TMEM232: variants seen among roughly 807,000 people sequenced by gnomAD.
TMEM232 encodes the protein transmembrane protein 232.
Under a neutral mutation model 78.8 loss-of-function variants are expected in TMEM232, and 80 were observed. The ratio of observed to expected loss-of-function variants is 1.01; its 90% confidence interval spans 0.85 to 1.22. TMEM232 has a LOEUF of 1.22. Among genes scored for constraint, TMEM232 ranks in the 50% most tolerant of loss-of-function variants. The pLI, the probability that TMEM232 is intolerant of heterozygous loss-of-function variation, is 0.00. For synonymous variants in TMEM232, 297 were observed against 254.3 expected (o/e 1.17, Z -1.60); for missense variants, 881 against 742.2 (o/e 1.19, Z -2.17).
At chr5:110,707,496 G>T (rs1796042275) in intron 1 of TMEM232, among the ~76,000 whole-genome samples, 1 of 152,204 alleles carries the variant, frequency 6.6e-6, no homozygotes, top group Non-Finnish European at 1.5e-5. Flanking sequence ...ACCCATCCCA[G>T]CAGTTGGAAT....
intron 12 of TMEM232, among the ~76,000 whole-genome samples, chr5:110,430,662 C>T (rs311723): frequency 1.3e-4 from 20 of 151,532 alleles, no homozygotes; most frequent in African/African-American, 3.4e-4. Context: ...TCATAATCAT[C>T]GATCATGGGA....
intron 10 of TMEM232, 52 bp downstream of exon 10, chr5:110,605,057 G>C (rs1271805623): frequency 6.9e-7 from 1 of 1,450,954 alleles, no homozygotes; most frequent in Non-Finnish European, 9.2e-7. Flanking sequence ...ACTATATGTA[G>C]ACAGTGACAC....
intron 8 of TMEM232, chr5:110,610,716 G>A (rs945418773): frequency 2.7e-5 from 9 of 332,402 alleles, no homozygotes; most frequent in African/African-American, 1.5e-4. Flanking sequence ...TGACGACTTC[G>A]AACATCTCAT....
intron 10 of TMEM232, among the ~76,000 whole-genome samples, chr5:110,586,308 G>A (rs117358250): frequency 0.025 from 3,771 of 151,378 alleles, 47 homozygotes; most frequent in African/African-American, 0.033. Flanking sequence ...TTTACAATTT[G>A]TGATTTTTCT....
rs557336186 is a variant in TMEM232, at chr5:110,571,687, G to T, written c.1277-3062C>A. On this transcript the variant is annotated intron_variant, in intron 10 of 13. Coordinates refer to ENST00000455884, the MANE Select transcript of TMEM232 (RefSeq NM_001039763.4). ...GTTGTTTTTTTTGTTTGTTTGTTTT[G>T]TTTTTTTGTTTTTTTTTTAAATTAG... 7.2e-4 allele frequency among the ~76,000 whole-genome samples: 106 copies of T among 147,424 alleles called. 1 individual carries two copies. The highest frequency in any genetic ancestry group is 1.7e-3 in the Admixed American group (25 of 14,524).
At chr5:110,667,492 A>G in intron 1 of TMEM232, 128 bp from the exon 2 acceptor site, 1 of 651,026 alleles carries the variant, frequency 1.5e-6, no homozygotes, top group Non-Finnish European at 2.4e-6. Flanking sequence ...ATAATTCTAT[A>G]TTAAGGAAGA....
intron 10 of TMEM232, among the ~76,000 whole-genome samples, chr5:110,595,118 T>C (rs564648347): frequency 3.9e-5 from 6 of 152,272 alleles, no homozygotes; most frequent in African/African-American, 1.4e-4. Flanking sequence ...CTGCTGGTGA[T>C]ACCCAGGCAT....
intron 1 of TMEM232, among the ~76,000 whole-genome samples, chr5:110,697,659 A>C (rs962067840): frequency 6.6e-6 from 1 of 152,238 alleles, no homozygotes; most frequent in Non-Finnish European, 1.5e-5. Flanking sequence ...GACACTTCTC[A>C]AAAGAAGACA....
intron 10 of TMEM232, among the ~76,000 whole-genome samples, chr5:110,600,362 A>G (rs1015791727): frequency 2.0e-5 from 3 of 152,200 alleles, no homozygotes; most frequent in East Asian, 3.8e-4. Context: ...AAAAAAATCA[A>G]TGAATCCAGG....
intron 12 of TMEM232, among the ~76,000 whole-genome samples, chr5:110,522,743 C>A (rs1343957214): frequency 6.6e-6 from 1 of 152,070 alleles, no homozygotes; most frequent in Non-Finnish European, 1.5e-5. Context: ...GAACCGTCCT[C>A]CTTGCATCGC....
chr5:110,643,031 G>C (rs1451904578), intron 2 of TMEM232, among the ~76,000 whole-genome samples: 1 of 152,040 alleles, frequency 6.6e-6, no homozygotes, highest in African/African-American at 2.4e-5. Context: ...TAGTGGCTTG[G>C]ATCAGGATTA....
intron 1 of TMEM232, among the ~76,000 whole-genome samples, chr5:110,722,528 T>C (rs965672383): frequency 2.6e-5 from 4 of 152,184 alleles, no homozygotes; most frequent in African/African-American, 9.7e-5. Flanking sequence ...TCAGTTCCTC[T>C]TCATGTGGAC....
intron 2 of TMEM232, among the ~76,000 whole-genome samples, chr5:110,656,272 T>C (rs528022486): frequency 6.6e-6 from 1 of 152,290 alleles, no homozygotes; most frequent in African/African-American, 2.4e-5. Flanking sequence ...AAGTTGATCA[T>C]AGTGTACATG....
rs117526984 is a variant in TMEM232 at position 110,493,413 on chromosome 5, A to G, written c.1703+35175T>C. 5.9e-3 allele frequency among the ~76,000 whole-genome samples: 899 copies of G among 152,144 alleles called. 10 individuals are homozygous for G. Among genetic ancestry groups the G allele is most frequent in the East Asian group, 0.042 (219 of 5,168 alleles). On this transcript the variant is annotated intron_variant, in intron 12 of 13. Coordinates refer to ENST00000455884, the MANE Select transcript of TMEM232 (RefSeq NM_001039763.4). Reference sequence around the variant, plus strand: ...AAAAAAAAGTAAAATTGTCTTACAAATTATAAAGACTTACTATAAAATTGA... The same window carrying G: ...AAAAAAAAGTAAAATTGTCTTACAAGTTATAAAGACTTACTATAAAATTGA...
At chr5:110,595,493 G>C (rs1463345504) in intron 10 of TMEM232, among the ~76,000 whole-genome samples, 2 of 152,134 alleles carry the variant, frequency 1.3e-5, no homozygotes, top group Non-Finnish European at 2.9e-5. Flanking sequence ...AAAGGAGCAT[G>C]TTCTAACCCA....
intron 12 of TMEM232, among the ~76,000 whole-genome samples, chr5:110,432,248 C>T (rs538059000): frequency 7.9e-5 from 12 of 151,544 alleles, no homozygotes; most frequent in Non-Finnish European, 1.6e-4. Flanking sequence ...GGTCATATTG[C>T]CTGTAAAGAG....
At chr5:110,526,112 T>C (rs1034206834) in intron 12 of TMEM232, among the ~76,000 whole-genome samples, 3 of 149,524 alleles carry the variant, frequency 2.0e-5, no homozygotes, top group African/African-American at 7.4e-5. Flanking sequence ...AAAGATAATA[T>C]TGGTCACATT....
chr5:110,391,898 A>G (rs1755209985), intron 3 of TMEM232, among the ~76,000 whole-genome samples: 1 of 152,210 alleles, frequency 6.6e-6, no homozygotes, highest in South Asian at 2.1e-4. Flanking sequence ...CGAGGTGCTT[A>G]GTGAATAGAT....
At chr5:110,449,522 C>CTT (rs112373624) in intron 12 of TMEM232, among the ~76,000 whole-genome samples, 20 of 147,296 alleles carry the variant, frequency 1.4e-4, no homozygotes, top group Admixed American at 6.1e-4. Flanking sequence ...TTTGCTGAGA[C>CTT]TTTTTTTTTT....
Sources: allele counts gnomAD v4.1 joint callset (sites outside exome capture counted in the v4.1 genomes callset), GRCh38; gene constraint gnomAD v4.1.1; transcripts MANE v1.5; gene names NCBI Gene and HGNC (gene_info 2026-07-23, HGNC 2026-07-21).